Variants in WDR72 observed in about 807,000 individuals in gnomAD.
WDR72 encodes the protein WD repeat domain 72, also known as WD repeat-containing protein 72.
In WDR72, 120 loss-of-function variants were observed where a neutral mutation model predicts 124.2. That is an observed-to-expected ratio of 0.97 (90% CI 0.83 to 1.12). WDR72 has a LOEUF of 1.12. WDR72 is among the 50% of genes most tolerant of loss of function. WDR72 has a pLI of 0.00. For missense variants in WDR72, 1,387 were observed against 1,278.8 expected, an observed-to-expected ratio of 1.08 and a Z score of -1.29; for synonymous variants, 452 against 441.7, an observed-to-expected ratio of 1.02 and a Z score of -0.29.
intron 12 of WDR72, among the ~76,000 whole-genome samples, chr15:53,700,816 A>G (rs1316343362): frequency 6.6e-6 from 1 of 152,166 alleles, no homozygotes; most frequent in African/African-American, 2.4e-5. Context: ...TGGAGCCTAG[A>G]CTTGCAGAAC....
At chr15:53,566,003 A>G (rs1341366237) in intron 18 of WDR72, among the ~76,000 whole-genome samples, 1 of 151,986 alleles carries the variant, frequency 6.6e-6, no homozygotes, top group Non-Finnish European at 1.5e-5. Flanking sequence ...TTAGAAAGCT[A>G]TATTCTACAG....
intron 3 of WDR72, among the ~76,000 whole-genome samples, chr15:53,716,954 C>T (rs1430032750): frequency 6.6e-6 from 1 of 152,156 alleles, no homozygotes; most frequent in East Asian, 1.9e-4. Flanking sequence ...ACAGCTATCA[C>T]AGCCTGTTAG....
At chr15:53,635,359 T>C (rs1003893598) in intron 14 of WDR72, among the ~76,000 whole-genome samples, 1 of 152,188 alleles carries the variant, frequency 6.6e-6, no homozygotes, top group South Asian at 2.1e-4. Context: ...CAAATTGAGG[T>C]AGATCCCTTC....
At chr15:53,543,312 A>T (rs1357670690) in intron 18 of WDR72, among the ~76,000 whole-genome samples, 1 of 151,792 alleles carries the variant, frequency 6.6e-6, no homozygotes, top group Non-Finnish European at 1.5e-5. Context: ...CCACAGTGCA[A>T]TGAAACTAGA....
In WDR72 at chr15:53,516,374, A is replaced by G. The variant is rs758752529; in HGVS notation, c.*1325T>C. On this transcript the variant is annotated 3_prime_UTR_variant, in exon 20 of 20. Transcript: ENST00000360509. The stretch of plus-strand genomic sequence containing the variant: ...TTTCAATTACACAGTTCTCTTTTCT[A>G]ATTTCCCCATCTCCTGTCTACTGCA... 8 of 152,020 alleles carry G rather than the reference A, an allele frequency of 5.3e-5. No homozygotes were observed. Among genetic ancestry groups the G allele is most frequent in the African/African-American group, 7.2e-5 (3 of 41,402 alleles). 9.4% of individuals were successfully genotyped at this position (152,020 alleles called of 1,614,324 possible).
intron 18 of WDR72, among the ~76,000 whole-genome samples, chr15:53,550,125 G>C (rs1893669412): frequency 6.6e-6 from 1 of 152,116 alleles, no homozygotes; most frequent in Admixed American, 6.6e-5. Flanking sequence ...AAACAAGCTT[G>C]GTAAGACACA....
At chr15:53,565,762 T>C (rs1894272212) in intron 18 of WDR72, among the ~76,000 whole-genome samples, 1 of 68,508 alleles carries the variant, frequency 1.5e-5, no homozygotes, top group Non-Finnish European at 3.8e-5. Context: ...GCACATACGT[T>C]GAATTAAAAA....
intron 14 of WDR72, among the ~76,000 whole-genome samples, chr15:53,641,985 A>C (rs190900622): frequency 1.6e-4 from 24 of 151,932 alleles, no homozygotes; most frequent in Middle Eastern, 3.4e-3. Context: ...TCAGAAAAAA[A>C]TGTTAAATAA....
chr15:53,733,897 C>T (rs913622534), intron 1 of WDR72, among the ~76,000 whole-genome samples: 5 of 152,116 alleles, frequency 3.3e-5, no homozygotes, highest in Admixed American at 1.3e-4. Flanking sequence ...ATATTCTCCC[C>T]AAATTGTCAT....
At chr15:53,612,140 A>G (rs1418802597) in intron 16 of WDR72, among the ~76,000 whole-genome samples, 1 of 152,114 alleles carries the variant, frequency 6.6e-6, no homozygotes, top group Admixed American at 6.6e-5. Context: ...CTCCAAAACC[A>G]CTGTTCTAGT....
intron 18 of WDR72, among the ~76,000 whole-genome samples, chr15:53,547,289 C>T (rs572794659): frequency 3.9e-5 from 6 of 152,312 alleles, no homozygotes; most frequent in South Asian, 2.1e-4. Context: ...TGTGCCACCA[C>T]GCCTGGCTAA....
chr15:53,671,208 T>C (rs1306415611), intron 13 of WDR72, among the ~76,000 whole-genome samples: 1 of 152,196 alleles, frequency 6.6e-6, no homozygotes, highest in Non-Finnish European at 1.5e-5. Flanking sequence ...CTCGCTCTGC[T>C]TTCTCCCATG....
At chr15:53,524,673 C>A (rs150088419) in intron 18 of WDR72, among the ~76,000 whole-genome samples, 1,589 of 152,224 alleles carry the variant, frequency 0.01, 15 homozygotes, top group Non-Finnish European at 0.016. Flanking sequence ...CCAACTCTCT[C>A]AGGACACAGA....
intron 13 of WDR72, among the ~76,000 whole-genome samples, chr15:53,689,360 A>T (rs2016757423): frequency 6.7e-6 from 1 of 149,772 alleles, no homozygotes; most frequent in South Asian, 2.1e-4. Flanking sequence ...AACTCAAACA[A>T]ATTTACAAGA....
chr15:53,708,752 A>C (rs775364583), intron 9 of WDR72, among the ~76,000 whole-genome samples: 4 of 152,154 alleles, frequency 2.6e-5, no homozygotes, highest in Non-Finnish European at 5.9e-5. Flanking sequence ...TGCAATTCTT[A>C]GGCTGTTTCT....
intron 12 of WDR72, among the ~76,000 whole-genome samples, chr15:53,701,279 T>C (rs78859860): frequency 0.027 from 4,131 of 152,278 alleles, 100 homozygotes; most frequent in East Asian, 0.069. Context: ...CAATAGCTGA[T>C]GCCTGTAATC....
At chr15:53,677,702 G>A (rs756343502) in intron 13 of WDR72, among the ~76,000 whole-genome samples, 26 of 152,100 alleles carry the variant, frequency 1.7e-4, no homozygotes, top group Non-Finnish European at 3.2e-4. Context: ...CCCCAGACAC[G>A]TGGAACTGTG....
chr15:53,643,927 T>C (rs1188078080), intron 14 of WDR72, among the ~76,000 whole-genome samples: 1 of 152,154 alleles, frequency 6.6e-6, no homozygotes, highest in Non-Finnish European at 1.5e-5. Context: ...ATTTTATCCA[T>C]GAAAAATGTG....
chr15:53,737,743 C>A (rs957579553), intron 1 of WDR72, among the ~76,000 whole-genome samples: 1 of 152,104 alleles, frequency 6.6e-6, no homozygotes, highest in African/African-American at 2.4e-5. Flanking sequence ...ATAAACAGAT[C>A]AAGCAGACAA....
Sources: allele counts gnomAD v4.1 joint callset (sites outside exome capture counted in the v4.1 genomes callset), GRCh38; gene constraint gnomAD v4.1.1; transcripts MANE v1.5; gene names NCBI Gene and HGNC (gene_info 2026-07-23, HGNC 2026-07-21).